BCR: variants seen among roughly 807,000 people sequenced by gnomAD.
BCR encodes breakpoint cluster region protein.
Under a neutral mutation model 138.6 loss-of-function variants are expected in BCR, and 58 were observed. The observed-to-expected ratio is 0.42, with a 90% CI of 0.34 to 0.52. BCR has a LOEUF of 0.52. Among genes scored for constraint, BCR ranks in the 20% least tolerant of loss-of-function variants. The probability of loss-of-function intolerance (pLI) is 0.06; values close to 1 mark genes in which losing one functional copy is unlikely to be tolerated. For synonymous variants in BCR, 786 were observed against 730.1 expected (o/e 1.08, Z -1.23); for missense variants, 1,599 against 1,727.2 (o/e 0.93, Z 1.32).
chr22:23,240,379 C>T (rs9608090), intron 1 of BCR, among the ~76,000 whole-genome samples: 26,915 of 150,364 alleles, frequency 0.18, 2,789 homozygotes, highest in Middle Eastern at 0.31. Flanking sequence ...AGGCCGGGCG[C>T]GGTGGCTCAC....
At chr22:23,290,489 G>C (rs1291964032) in intron 14 of BCR, 76 bp downstream of exon 14, 1 of 1,451,234 alleles carries the variant, frequency 6.9e-7, no homozygotes, top group Non-Finnish European at 9.7e-7. Flanking sequence ...ATCGGGCAGG[G>C]TGTGGGGAAA....
intron 18 of BCR, 42 bp from the exon 19 acceptor site, chr22:23,311,655 G>C (rs747639321): frequency 1.3e-6 from 2 of 1,516,102 alleles, no homozygotes; most frequent in Non-Finnish European, 1.8e-6. Context: ...TATGGCCCAA[G>C]CAGGGCTGTT....
chr22:23,314,073 G>A lies in BCR; in HGVS notation c.3563G>A (p.Arg1188Lys). 6.2e-7 allele frequency: 1 copy of A among 1,612,334 alleles called. No homozygotes were observed. The highest frequency in any genetic ancestry group is 8.5e-7 in the Non-Finnish European group (1 of 1,179,366). Reference sequence around the variant, plus strand: ...CTTTTCCTTCTGGACCACCTGAAAAGGTAGCCCAGCTCTCCCATGGCAGCC... The same window carrying A: ...CTTTTCCTTCTGGACCACCTGAAAAAGTAGCCCAGCTCTCCCATGGCAGCC... The part of the protein sequence containing the change: ...TFLFLLDHLK[R>K]VAEKEAVNKM... Residue 1188 changes from arginine to lysine, a missense_variant and splice_region_variant, in exon 21 of 23, where the codon AGG (arginine) becomes AAG (lysine). Physicochemically the swap from Arg to Lys is conservative, Grantham distance 26. This residue lies in a region of BCR where 177 missense variants were observed against 226.4 expected (regional missense o/e 0.78). Transcript: ENST00000305877.
At chr22:23,307,894 G>C (rs1204328082) in intron 16 of BCR, 1 of 132,760 alleles carries the variant, frequency 7.5e-6, no homozygotes, top group African/African-American at 2.9e-5. Context: ...ACCTGCTCCA[G>C]AGCTTCTTAT....
At position 23,263,445 on chromosome 22, in the gene BCR, G is replaced by T. The variant is rs1335588745; in HGVS notation, c.1752+1905G>T. ...GAACTGGATAGTGGGGTGCTGCCGA[G>T]AGGGGATTCTGCTGAAGTGGAGATG... On this transcript the variant is annotated intron_variant, in intron 4 of 22. Transcript: ENST00000305877. 2.9e-6 allele frequency: 4 copies of T among 1,396,080 alleles called. No individual in the cohort carries two copies. The African/African-American group carries it at 5.7e-5, about 20-fold the overall frequency. The allele number at this position is 1,396,080 out of a possible 1,614,324, so 86.5% of individuals were successfully genotyped here. A position where few individuals can be genotyped will look rare whatever the true frequency, so the allele number is the denominator to read the frequency against.
chr22:23,189,691 G>A (rs28459053), intron 1 of BCR, among the ~76,000 whole-genome samples: 1 of 151,720 alleles, frequency 6.6e-6, no homozygotes, highest in African/African-American at 2.4e-5. Context: ...TAGTAGAGAT[G>A]GGGTTTCACC....
At chr22:23,222,469 C>T (rs1266351794) in intron 1 of BCR, among the ~76,000 whole-genome samples, 1 of 152,198 alleles carries the variant, frequency 6.6e-6, no homozygotes, top group African/African-American at 2.4e-5. Flanking sequence ...ATAAATTGCA[C>T]AAGTGCTAAG....
At chr22:23,311,652 C>T (rs755483937) in intron 18 of BCR, 45 bp from the exon 19 acceptor site, 4 of 1,508,166 alleles carry the variant, frequency 2.7e-6, no homozygotes, top group Middle Eastern at 2.3e-4. Flanking sequence ...TGTTATGGCC[C>T]AAGCAGGGCT....
At chr22:23,194,527 C>T (rs2072454027) in intron 1 of BCR, among the ~76,000 whole-genome samples, 1 of 152,066 alleles carries the variant, frequency 6.6e-6, no homozygotes, top group African/African-American at 2.4e-5. Context: ...TCTCCTGCCT[C>T]AGCCTCCCGA....
chr22:23,211,276 C>T (rs1054510818), intron 1 of BCR, among the ~76,000 whole-genome samples: 2 of 152,138 alleles, frequency 1.3e-5, no homozygotes, highest in Non-Finnish European at 2.9e-5. Flanking sequence ...CGGCTCACTG[C>T]AAGCTCCGCC....
chr22:23,184,361 G>T (rs1373326941), intron 1 of BCR, among the ~76,000 whole-genome samples: 1 of 152,076 alleles, frequency 6.6e-6, no homozygotes, highest in Non-Finnish European at 1.5e-5. Context: ...GAGTAGCTGG[G>T]GTTACAGGGA....
At chr22:23,272,010 G>A (rs2073515596) in intron 6 of BCR, among the ~76,000 whole-genome samples, 1 of 152,100 alleles carries the variant, frequency 6.6e-6, no homozygotes, top group African/African-American at 2.4e-5. Flanking sequence ...ATTTTTAATA[G>A]AGATGGGGTT....
intron 15 of BCR, among the ~76,000 whole-genome samples, chr22:23,293,795 C>T (rs1038991352): frequency 3.3e-5 from 5 of 152,234 alleles, no homozygotes; most frequent in South Asian, 2.1e-4. Flanking sequence ...ATGTTCCTGG[C>T]GCACACACAC....
At chr22:23,300,377 G>A (rs1488007201) in intron 16 of BCR, among the ~76,000 whole-genome samples, 1 of 152,218 alleles carries the variant, frequency 6.6e-6, no homozygotes, top group East Asian at 1.9e-4. Flanking sequence ...TGTAGAATGT[G>A]TCAGAATGTC....
chr22:23,227,941 G>C (rs1339970370), intron 1 of BCR, among the ~76,000 whole-genome samples: 1 of 152,162 alleles, frequency 6.6e-6, no homozygotes, highest in East Asian at 1.9e-4. Context: ...TGGGGGTCAG[G>C]GTGAGTGGTC....
intron 1 of BCR, among the ~76,000 whole-genome samples, chr22:23,184,757 C>T (rs2072318213): frequency 6.6e-6 from 1 of 152,202 alleles, no homozygotes; most frequent in Admixed American, 6.5e-5. Flanking sequence ...CACCTTGACA[C>T]TCTGCCTAGC....
In BCR at chr22:23,199,196, A is replaced by G. The variant is rs765327878; in HGVS notation, c.1279+16957A>G. On this transcript the variant is annotated intron_variant, in intron 1 of 22. Transcript: ENST00000305877. ...TAACATAAGTCTGGTTTCCTCTCTC[A>G]TGGCATTTCTTTAGTGGCCAGATGG... is the stretch of plus-strand genomic sequence containing the variant. The G allele has an allele frequency of 1.9e-5, 9 of 471,910 alleles. No homozygotes were observed. The Admixed American group carries it at 2.1e-4, about 11-fold the overall frequency. 29.2% of individuals were successfully genotyped at this position (471,910 alleles called of 1,614,324 possible).
In BCR at chr22:23,273,721, A is replaced by G. The variant is rs376536392; in HGVS notation, c.2062A>G (p.Ile688Val). 1.4e-5 allele frequency: 23 copies of G among 1,614,050 alleles called. No homozygotes were observed. The highest frequency in any genetic ancestry group is 3.3e-4 in the Middle Eastern group (2 of 6,084). ...LRISQNFLSS[I>V]NEEITPRRQS... is the part of the protein sequence containing the mutation. ...CATCTCACAGAACTTCCTGTCCAGC[A>G]TCAATGAGGAGATCACACCCCGACG... The change falls in exon 8 of 23, where the codon ATC becomes GTC. Residue 688 changes from isoleucine to valine, a missense_variant. By Grantham distance (29) the Ile-to-Val change is conservative. This residue lies in a region of BCR where 590 missense variants were observed against 762.4 expected (regional missense o/e 0.77). Coordinates refer to ENST00000305877, the MANE Select transcript of BCR (RefSeq NM_004327.4).
At chr22:23,259,492 C>T (rs2073332641) in intron 2 of BCR, among the ~76,000 whole-genome samples, 1 of 151,766 alleles carries the variant, frequency 6.6e-6, no homozygotes, top group African/African-American at 2.4e-5. Context: ...CATGACAAGA[C>T]CTTGTTTCTA....
Sources: allele counts gnomAD v4.1 joint callset (sites outside exome capture counted in the v4.1 genomes callset), GRCh38; gene constraint gnomAD v4.1.1; regional missense constraint gnomAD v4.1.1; transcripts MANE v1.5; gene names NCBI Gene and HGNC (gene_info 2026-07-23, HGNC 2026-07-21).